OAS2: variants seen among roughly 807,000 people sequenced by gnomAD.
OAS2 encodes the protein 2'-5'-oligoadenylate synthetase 2.
OAS2 carries 67 observed loss-of-function variants against 71.3 expected under a neutral mutation model. That is an observed-to-expected ratio of 0.94 (90% CI 0.77 to 1.15). The LOEUF is 1.15. OAS2 is among the 50% of genes most tolerant of loss of function. The pLI, the probability that OAS2 is intolerant of heterozygous loss-of-function variation, is 0.00. For missense variants in OAS2, 789 were observed against 822.5 expected (o/e 0.96, Z 0.50); for synonymous variants, 327 against 321.8 (o/e 1.02, Z -0.17).
chr12:113,004,220 A>G (rs2044311531), intron 6 of OAS2, among the ~76,000 whole-genome samples: 1 of 152,212 alleles, frequency 6.6e-6, no homozygotes, highest in African/African-American at 2.4e-5. Flanking sequence ...GGTGGCCTGC[A>G]TGAATGAAGG....
chr12:112,997,865 G>A, intron 4 of OAS2, 110 bp downstream of exon 4: 1 of 899,852 alleles, frequency 1.1e-6, no homozygotes. Context: ...TGGACCAGAA[G>A]AATGGCAGCC....
At chr12:112,999,319 C>T (rs995516819) in intron 5 of OAS2, among the ~76,000 whole-genome samples, 1 of 152,178 alleles carries the variant, frequency 6.6e-6, no homozygotes, top group Non-Finnish European at 1.5e-5. Flanking sequence ...TAGAGAAAAG[C>T]CATCCAAGAA....
chr12:112,979,751 G>A (rs1189738660), intron 1 of OAS2, among the ~76,000 whole-genome samples: 4 of 152,200 alleles, frequency 2.6e-5, no homozygotes, highest in African/African-American at 9.6e-5. Context: ...GCCCCCCAGA[G>A]CCCTGGGCCC....
At chr12:112,998,529 C>A in intron 5 of OAS2, 119 bp downstream of exon 5, 1 of 1,139,576 alleles carries the variant, frequency 8.8e-7, no homozygotes, top group Non-Finnish European at 1.2e-6. Flanking sequence ...TTACAAAGTT[C>A]CACAACACAG....
chr12:112,980,710 T>C (rs533429132), intron 1 of OAS2, among the ~76,000 whole-genome samples: 2 of 152,258 alleles, frequency 1.3e-5, no homozygotes, highest in South Asian at 4.2e-4. Flanking sequence ...GAGGGTGCAG[T>C]TATCCCTTTT....
At chr12:112,991,545 GCAAAGTGGGACAATT>G (rs1210360239) in intron 2 of OAS2, among the ~76,000 whole-genome samples, 1 of 152,212 alleles carries the variant, frequency 6.6e-6, no homozygotes, top group Non-Finnish European at 1.5e-5. Context: ...ACAACTCGAA[GCAAAGTGGGACAATT>G]CAAAGTGGGG....
In OAS2 at chr12:113,009,496, C is replaced by A; in HGVS notation, c.*241C>A. The A allele has an allele frequency of 2.5e-6, 3 of 1,209,168 alleles. No individual in the cohort carries two copies. Among genetic ancestry groups the A allele is most frequent in the Non-Finnish European group, 3.1e-6 (3 of 971,876 alleles). 74.9% of individuals were successfully genotyped at this position (1,209,168 alleles called of 1,614,324 possible). ...CTACCCAGTAGATGCCACTAGCCCT[C>A]CTCTCCCAGTGACAACCAAAAGTCT... On this transcript the variant is annotated 3_prime_UTR_variant, in exon 10 of 10. Transcript: ENST00000392583.
At chr12:112,985,593 C>T (rs1038854167) in intron 1 of OAS2, among the ~76,000 whole-genome samples, 1 of 152,046 alleles carries the variant, frequency 6.6e-6, no homozygotes, top group Non-Finnish European at 1.5e-5. Context: ...TCTGTGTTTT[C>T]TTGTATCTTA....
At chr12:112,989,497 T>C (rs1443837265) in intron 2 of OAS2, among the ~76,000 whole-genome samples, 1 of 152,190 alleles carries the variant, frequency 6.6e-6, no homozygotes, top group East Asian at 1.9e-4. Context: ...TTCCAGGTCA[T>C]TGGTAGATTT....
In OAS2 at chr12:113,006,541, C is replaced by A; in HGVS notation, c.1597C>A (p.Arg533Ser). 6.2e-7 allele frequency: 1 copy of A among 1,612,856 alleles called. No individual in the cohort carries two copies. Among genetic ancestry groups the A allele is most frequent in the South Asian group, 1.1e-5 (1 of 90,920 alleles). The change falls in exon 8 of 10, where the codon CGC (arginine) becomes AGC (serine). Residue 533 changes from arginine to serine, a missense_variant. Physicochemically the swap from Arg to Ser is moderately radical, Grantham distance 110 (BLOSUM62 -1). Transcript: ENST00000392583. ...CACAGTCCTGCAGCGAAACTTCATT[C>A]GCTCCCGGCCCACCAAACTAAAGGA... ...CFTVLQRNFI[R>S]SRPTKLKDLI...
intron 2 of OAS2, among the ~76,000 whole-genome samples, chr12:112,989,289 AG>A (rs1275289206): frequency 3.3e-5 from 5 of 152,224 alleles, no homozygotes; most frequent in African/African-American, 1.2e-4. Context: ...CATGATTGTG[AG>A]GCCTCCCCAA....
Position 112,978,798 on chromosome 12 carries a change from C to G in OAS2, c.177+13C>G. On this transcript the variant is annotated intron_variant, in intron 1 of 9. Coordinates refer to ENST00000392583, the MANE Select transcript of OAS2 (RefSeq NM_002535.3). The surrounding 1 kb of genome is among the most constrained non-coding windows in gnomAD (Gnocchi z 4.2). Reference sequence around the variant, plus strand: ...GGGAGTGGCCATAGTGAGTCCAGGGCTGAGGTTGGGTCTCTGGGAGGCAGG... The same window carrying G: ...GGGAGTGGCCATAGTGAGTCCAGGGGTGAGGTTGGGTCTCTGGGAGGCAGG... 6.3e-7 allele frequency: 1 copy of G among 1,598,110 alleles called. No homozygotes were observed.
chr12:112,998,484 C>G (rs772217121), intron 5 of OAS2, 74 bp downstream of exon 5: 3 of 1,504,702 alleles, frequency 2.0e-6, no homozygotes, highest in African/African-American at 1.4e-5. Flanking sequence ...TAGGTCTTAT[C>G]TGAGAGTACT....
chr12:112,998,913 G>A (rs1029636673), intron 5 of OAS2, among the ~76,000 whole-genome samples: 21 of 152,200 alleles, frequency 1.4e-4, no homozygotes, highest in African/African-American at 5.1e-4. Context: ...GATACTGTAG[G>A]TTGGAACCCC....
intron 5 of OAS2, among the ~76,000 whole-genome samples, chr12:113,001,429 C>CATATATATACACATATAT: frequency 1.4e-5 from 2 of 144,064 alleles, no homozygotes; most frequent in Non-Finnish European, 3.0e-5. Context: ...CATATATGCA[C>CATATATATACACATATAT]ATATATATAC....
intron 1 of OAS2, among the ~76,000 whole-genome samples, chr12:112,984,368 CTGATA>C (rs1233602536): frequency 6.6e-6 from 1 of 152,096 alleles, no homozygotes; most frequent in African/African-American, 2.4e-5. Flanking sequence ...TCTACTCTGT[CTGATA>C]TAAGTATAGC....
At position 112,995,416 on chromosome 12, in the gene OAS2, A is replaced by G. The variant is rs776158054; in HGVS notation, c.569A>G (p.Asp190Gly). Residue 190 changes from aspartate (D) to glycine (G), a missense_variant, in exon 3 of 10, where the codon GAC becomes GGC. By Grantham distance (94) the Asp-to-Gly change is moderately conservative. Coordinates refer to ENST00000392583, the MANE Select transcript of OAS2 (RefSeq NM_002535.3). ...CFTELQQKFF[D>G]NRPGKLKDLI... ...ACTGAACTCCAGCAGAAGTTTTTTG[A>G]CAACCGTCCTGGAAAACTAAAGGAT... 5.6e-6 allele frequency: 9 copies of G among 1,614,178 alleles called. No homozygotes were observed. In the Admixed American group the frequency reaches 1.3e-4, roughly 24 times the overall value.
intron 2 of OAS2, chr12:112,987,822 T>C (rs930653802): frequency 2.2e-5 from 22 of 987,570 alleles, no homozygotes; most frequent in African/African-American, 3.5e-5. Flanking sequence ...CGACCTTCCA[T>C]AGATAACTAT....
rs368174351 is a variant in OAS2 at position 113,010,515 on chromosome 12, G to A, written c.*1260G>A. ...ATCTGGCAATCGCTTTTAAAGACTC[G>A]GCTCACCGTGAGAAAGAGTCACTCA... On this transcript the variant is annotated 3_prime_UTR_variant, in exon 10 of 10. Coordinates refer to ENST00000392583, the MANE Select transcript of OAS2 (RefSeq NM_002535.3). The A allele has an allele frequency of 4.8e-5, 77 of 1,606,310 alleles. No individual in the cohort carries two copies. The highest frequency in any genetic ancestry group is 6.7e-5 in the African/African-American group (5 of 74,644).
Sources: gnomAD v4.1 joint callset for allele counts (sites outside exome capture counted in the v4.1 genomes callset) on GRCh38, gnomAD v4.1.1 for gene constraint, Gnocchi (gnomAD v3.1) non-coding constraint, MANE v1.5 for transcripts, NCBI Gene and HGNC (gene_info 2026-07-23, HGNC 2026-07-21) for gene names.